Variants in HDAC4 observed in about 807,000 individuals in gnomAD.
HDAC4 encodes histone deacetylase A.
In HDAC4, 16 loss-of-function variants were observed where a neutral mutation model predicts 135.1. The ratio of observed to expected loss-of-function variants is 0.12; its 90% CI spans 0.08 to 0.18. HDAC4 has a LOEUF of 0.18. Ranked by LOEUF, HDAC4 falls within the 10% of genes least tolerant of loss-of-function variation. The pLI, the probability that HDAC4 is intolerant of heterozygous loss-of-function variation, is 1.00. For missense variants in HDAC4, 1,143 were observed against 1,511.8 expected (o/e 0.76, Z 4.05); for synonymous variants, 685 against 653.4 (o/e 1.05, Z -0.74).
chr2:239,156,784 G>A lies in HDAC4; in HGVS notation c.612-11C>T. On this transcript the variant is annotated splice_polypyrimidine_tract_variant and intron_variant, in intron 6 of 26. Transcript: ENST00000543185. ...CTGTGCTGCGTTTTCCTGGAGAGAA[G>A]GCAAAGACAGATGGTTTAGTTTACC... is the stretch of plus-strand genomic sequence containing the variant. 1 of 1,614,102 alleles carries A rather than the reference G, an allele frequency of 6.2e-7. No individual in the cohort carries two copies. The highest frequency in any genetic ancestry group is 1.7e-5 in the Admixed American group (1 of 60,028).
chr2:239,310,740 T>C (rs1559354237), intron 2 of HDAC4, among the ~76,000 whole-genome samples: 1 of 152,076 alleles, frequency 6.6e-6, no homozygotes, highest in East Asian at 1.9e-4. Context: ...GACCCAAAAC[T>C]GGGTCTGGGA....
At chr2:239,130,750 C>G (rs1171465297) in intron 11 of HDAC4, among the ~76,000 whole-genome samples, 1 of 152,202 alleles carries the variant, frequency 6.6e-6, no homozygotes, top group Non-Finnish European at 1.5e-5. Flanking sequence ...GGTCTCCAGC[C>G]TTCTCCTCCA....
intron 3 of HDAC4, among the ~76,000 whole-genome samples, chr2:239,204,258 C>G (rs1254893568): frequency 6.6e-6 from 1 of 152,232 alleles, no homozygotes; most frequent in Non-Finnish European, 1.5e-5. Context: ...TGCAGATAGA[C>G]AGCCGACCAC....
At chr2:239,094,040 G>A (rs2036759196) in intron 17 of HDAC4, 1 of 985,368 alleles carries the variant, frequency 1.0e-6, no homozygotes, top group Middle Eastern at 5.2e-4. Flanking sequence ...TTCCATAACA[G>A]AATCCAGACC....
rs146184598 is a variant in HDAC4, at chr2:239,352,803, C to T, written c.-104G>A. 5.9e-5 allele frequency: 69 copies of T among 1,166,858 alleles called. No individual in the cohort carries two copies. The highest frequency in any genetic ancestry group is 5.0e-4 in the African/African-American group (33 of 65,646). The allele number at this position is 1,166,858 out of a possible 1,614,324, so 72.3% of individuals were successfully genotyped here. A position where few individuals can be genotyped will look rare whatever the true frequency, so the allele number is the denominator to read the frequency against. On this transcript the variant is annotated 5_prime_UTR_variant, in exon 2 of 27. Coordinates refer to ENST00000543185, the MANE Select transcript of HDAC4 (RefSeq NM_001378414.1). This position sits in a 1 kb window ranked among gnomAD's most constrained non-coding sequence, Gnocchi z 4.4. ...AACTCCCACCAACACATACAAGTAC[C>T]GGGACGGTGAGGGCTGGGTCACAGA...
intron 3 of HDAC4, among the ~76,000 whole-genome samples, chr2:239,195,176 T>C (rs967486968): frequency 2.6e-5 from 4 of 152,190 alleles, no homozygotes; most frequent in African/African-American, 9.6e-5. Context: ...TCACTCATTG[T>C]GGGGAAGGGA....
intron 1 of HDAC4, among the ~76,000 whole-genome samples, chr2:239,380,218 G>A (rs1163631768): frequency 6.6e-6 from 1 of 152,244 alleles, no homozygotes. Flanking sequence ...TGCGGAATGC[G>A]CGAGCTCTGC....
intron 12 of HDAC4, among the ~76,000 whole-genome samples, chr2:239,116,309 G>C (rs77952720): frequency 0.036 from 5,440 of 149,254 alleles, 135 homozygotes; most frequent in Non-Finnish European, 0.055. Flanking sequence ...CAGCACAGCA[G>C]GTCCAATGCC....
At chr2:239,296,852 C>A in intron 2 of HDAC4, among the ~76,000 whole-genome samples, 1 of 152,010 alleles carries the variant, frequency 6.6e-6, no homozygotes, top group East Asian at 1.9e-4. Context: ...TGATTAAACT[C>A]ACTCACCAGG....
In HDAC4 at chr2:239,068,127, G is replaced by A. The variant is rs1366306733; in HGVS notation, c.2869+362C>T. On this transcript the variant is annotated intron_variant, in intron 23 of 26. Transcript: ENST00000543185. The surrounding 1 kb of genome is among the most constrained non-coding windows in gnomAD (Gnocchi z 4.4). ...AGCAACTTCCCTTTACAGTTCCAAG[G>A]AGCACCGCCTGCCAGAGAAGCGGCA... is the stretch of plus-strand genomic sequence containing the variant. Among the ~76,000 whole-genome samples, 1 of 151,998 alleles carries A rather than the reference G, an allele frequency of 6.6e-6. No individual in the cohort carries two copies. Among genetic ancestry groups the A allele is most frequent in the African/African-American group, 2.4e-5 (1 of 41,370 alleles).
At chr2:239,194,597 C>A (rs767229037) in intron 3 of HDAC4, among the ~76,000 whole-genome samples, 1 of 152,248 alleles carries the variant, frequency 6.6e-6, no homozygotes, top group African/African-American at 2.4e-5. Flanking sequence ...CCCAGCACTC[C>A]CCACTCCCAA....
intron 3 of HDAC4, among the ~76,000 whole-genome samples, chr2:239,194,252 G>A (rs1481195288): frequency 2.0e-5 from 3 of 152,190 alleles, no homozygotes; most frequent in Admixed American, 1.3e-4. Context: ...CTACTCAAGA[G>A]CTATTAATGC....
At chr2:239,153,245 C>T (rs2042221768) in intron 7 of HDAC4, among the ~76,000 whole-genome samples, 1 of 152,234 alleles carries the variant, frequency 6.6e-6, no homozygotes, top group African/African-American at 2.4e-5. Flanking sequence ...AAGACAGTGA[C>T]AAAGCTTTTC....
At chr2:239,124,392 A>G (rs1348170428) in intron 12 of HDAC4, among the ~76,000 whole-genome samples, 1 of 152,234 alleles carries the variant, frequency 6.6e-6, no homozygotes, top group African/African-American at 2.4e-5. Context: ...TGTGCATGAA[A>G]TCATACCACA....
At chr2:239,095,871 C>G (rs1272383843) in intron 16 of HDAC4, among the ~76,000 whole-genome samples, 1 of 152,182 alleles carries the variant, frequency 6.6e-6, no homozygotes, top group Non-Finnish European at 1.5e-5. Flanking sequence ...TGCCTGGGCC[C>G]CAATCCCTCA....
At chr2:239,094,376 G>A (rs2036800385) in intron 17 of HDAC4, 2 of 985,280 alleles carry the variant, frequency 2.0e-6, no homozygotes, top group African/African-American at 1.7e-5. Flanking sequence ...AAGTCCTTGT[G>A]AACTTATGCG....
chr2:239,366,942 C>T (rs1167162379), intron 1 of HDAC4, among the ~76,000 whole-genome samples: 2 of 146,254 alleles, frequency 1.4e-5, no homozygotes, highest in Non-Finnish European at 2.9e-5. Context: ...CCCAAGCACG[C>T]GTAGCTTCAC....
chr2:239,237,166 C>G (rs1379921272), intron 2 of HDAC4, among the ~76,000 whole-genome samples: 1 of 152,142 alleles, frequency 6.6e-6, no homozygotes, highest in Non-Finnish European at 1.5e-5. Context: ...GAACGCTTCA[C>G]CAGGTGTTCT....
rs377602815 is a variant in HDAC4, at chr2:239,271,553, C to T, written c.23-34889G>A. The stretch of plus-strand genomic sequence containing the variant: ...TGATTGTGTTTAGGACTATGAGAGC[C>T]GATTCTGCCGGCATCCTCCCTAGAG... On this transcript the variant is annotated intron_variant, in intron 2 of 26. Transcript: ENST00000543185. Among the ~76,000 whole-genome samples the T allele has an allele frequency of 9.8e-5, 15 of 152,318 alleles. No individual in the cohort carries two copies. The South Asian group carries it at 2.3e-3, about 23-fold the overall frequency.
Sources: gnomAD v4.1 joint callset for allele counts (sites outside exome capture counted in the v4.1 genomes callset) on GRCh38, gnomAD v4.1.1 for gene constraint, Gnocchi (gnomAD v3.1) non-coding constraint, MANE v1.5 for transcripts, NCBI Gene and HGNC (gene_info 2026-07-23, HGNC 2026-07-21) for gene names.